Variants in PATJ observed in about 807,000 individuals in gnomAD.
PATJ encodes the protein inaD-like protein.
In PATJ, 190 loss-of-function variants were observed where a neutral mutation model predicts 224.9. That is an observed-to-expected ratio of 0.84 (90% CI 0.75 to 0.95). The LOEUF is 0.95. PATJ is among the 40% of genes least tolerant of loss of function. The pLI, the probability that PATJ is intolerant of heterozygous loss-of-function variation, is 0.00. For missense variants in PATJ, 2,121 were observed against 2,270.3 expected (o/e 0.93, Z 1.34); for synonymous variants, 769 against 820.3 (o/e 0.94, Z 1.07).
At chr1:62,005,172 G>T (rs1646015892) in intron 28 of PATJ, among the ~76,000 whole-genome samples, 1 of 149,834 alleles carries the variant, frequency 6.7e-6, no homozygotes, top group South Asian at 2.1e-4. Flanking sequence ...AGTTTCACCT[G>T]TCACCCAGGT....
intron 22 of PATJ, among the ~76,000 whole-genome samples, chr1:61,887,174 G>T (rs1669007947): frequency 6.6e-6 from 1 of 152,050 alleles, no homozygotes; most frequent in Admixed American, 6.6e-5. Context: ...CATAAAGGGG[G>T]TGATTAAATA....
intron 28 of PATJ, among the ~76,000 whole-genome samples, chr1:61,994,372 G>A (rs1366316139): frequency 6.6e-6 from 1 of 152,160 alleles, no homozygotes; most frequent in African/African-American, 2.4e-5. Flanking sequence ...ATACATTTCA[G>A]ATGATTTTGA....
chr1:61,794,125 C>CAGA (rs1650512429), intron 9 of PATJ, among the ~76,000 whole-genome samples: 1 of 152,042 alleles, frequency 6.6e-6, no homozygotes, highest in Non-Finnish European at 1.5e-5. Context: ...TGGTCTTGAA[C>CAGA]TCCTGACCTC....
intron 9 of PATJ, among the ~76,000 whole-genome samples, chr1:61,791,807 C>T (rs1419523881): frequency 6.6e-6 from 1 of 151,716 alleles, no homozygotes; most frequent in African/African-American, 2.4e-5. Context: ...TGTAAATGTT[C>T]CCAAAGTATG....
chr1:62,028,473 T>C (rs1648480185), intron 29 of PATJ, among the ~76,000 whole-genome samples: 1 of 152,222 alleles, frequency 6.6e-6, no homozygotes, highest in Non-Finnish European at 1.5e-5. Flanking sequence ...GGTGTTCTAG[T>C]TGAAAATCCC....
intron 27 of PATJ, among the ~76,000 whole-genome samples, chr1:61,978,040 CCCAGAAGTCA>C: frequency 6.6e-6 from 1 of 151,886 alleles, no homozygotes; most frequent in East Asian, 1.9e-4. Flanking sequence ...ATTACTAATA[CCCAGAAGTCA>C]CTTTGTGCCT....
intron 33 of PATJ, among the ~76,000 whole-genome samples, chr1:62,098,773 C>G (rs1171691125): frequency 1.3e-5 from 2 of 152,118 alleles, no homozygotes; most frequent in African/African-American, 4.8e-5. Flanking sequence ...AAATCACATT[C>G]TAGTTGAATA....
intron 17 of PATJ, among the ~76,000 whole-genome samples, chr1:61,835,739 A>C (rs914354484): frequency 2.0e-5 from 3 of 151,876 alleles, no homozygotes; most frequent in Non-Finnish European, 2.9e-5. Context: ...TGAATGAACA[A>C]ATTTAATGGG....
intron 5 of PATJ, among the ~76,000 whole-genome samples, chr1:61,770,091 T>C (rs1646515701): frequency 6.6e-6 from 1 of 152,234 alleles, no homozygotes; most frequent in African/African-American, 2.4e-5. Flanking sequence ...AATGGTAGTA[T>C]ATTATTATAA....
At chr1:62,089,146 T>C (rs1660404321) in intron 33 of PATJ, among the ~76,000 whole-genome samples, 1 of 152,186 alleles carries the variant, frequency 6.6e-6, no homozygotes, top group African/African-American at 2.4e-5. Flanking sequence ...ACGTCCAGCC[T>C]AGCTGAATGA....
At chr1:62,040,883 T>C (rs1651358767) in intron 30 of PATJ, among the ~76,000 whole-genome samples, 1 of 152,186 alleles carries the variant, frequency 6.6e-6, no homozygotes, top group South Asian at 2.1e-4. Flanking sequence ...TTAGTTGGAA[T>C]GGACCCTTGA....
At chr1:61,790,583 G>T (rs535040363) in intron 8 of PATJ, among the ~76,000 whole-genome samples, 2 of 141,648 alleles carry the variant, frequency 1.4e-5, no homozygotes, top group Non-Finnish European at 3.0e-5. Flanking sequence ...GTGTGATCTC[G>T]GCTCACTGCA....
chr1:61,974,405 CTTTTTT>C (rs149825131), intron 27 of PATJ, among the ~76,000 whole-genome samples: 2 of 64,240 alleles, frequency 3.1e-5, no homozygotes, highest in Non-Finnish European at 5.4e-5. Flanking sequence ...CTCTCTCTCT[CTTTTTT>C]TTTTTTTTTT....
At chr1:62,062,133 A>G (rs79979402) in intron 31 of PATJ, among the ~76,000 whole-genome samples, 2,219 of 152,226 alleles carry the variant, frequency 0.015, 25 homozygotes, top group Non-Finnish European at 0.024. Context: ...GTTGAATGAT[A>G]CTTCTATTTT....
intron 27 of PATJ, among the ~76,000 whole-genome samples, chr1:61,959,926 C>T (rs1047253710): frequency 2.6e-5 from 4 of 151,540 alleles, no homozygotes; most frequent in Admixed American, 1.3e-4. Context: ...GGGAGGCTGA[C>T]GCAGGAAGAT....
intron 20 of PATJ, among the ~76,000 whole-genome samples, chr1:61,871,559 T>A (rs76123373): frequency 0.1 from 1,363 of 13,030 alleles, 11 homozygotes; most frequent in East Asian, 0.14. Flanking sequence ...ATATATATAT[T>A]TTTTTTTTTT....
rs774237804 is a variant in PATJ at position 62,128,850 on chromosome 1, C to T, written c.5176C>T (p.Arg1726Trp). 27 of 1,608,144 alleles carry T rather than the reference C, an allele frequency of 1.7e-5. No individual in the cohort carries two copies. The highest frequency in any genetic ancestry group is 2.2e-5 in the East Asian group (1 of 44,790). The change falls in exon 41 of 44, where the codon CGG becomes TGG. Residue 1726 changes from arginine to tryptophan, a missense_variant. Transcript: ENST00000642238. ...ARTQKLKVGD[R>W]IVSINGQPLD... ...ATTTTTGTACTTCCAGGTTGGAGAT[C>T]GGATTGTCAGCATTAACGGGCAACC... is the stretch of plus-strand genomic sequence containing the variant.
At chr1:61,870,058 T>C (rs1020764124) in intron 20 of PATJ, among the ~76,000 whole-genome samples, 2 of 152,238 alleles carry the variant, frequency 1.3e-5, no homozygotes, top group Non-Finnish European at 2.9e-5. Flanking sequence ...GCCGCTGCCC[T>C]CTGCCAGCGA....
At position 62,140,115 on chromosome 1, in the gene PATJ, C is replaced by CA. The variant is rs1165237369; in HGVS notation, c.5272-8167dup. 2.0e-5 allele frequency among the ~76,000 whole-genome samples: 3 copies of CA among 152,224 alleles called. No individual in the cohort carries two copies. The East Asian group carries it at 5.8e-4, about 29-fold the overall frequency. On this transcript the variant is annotated intron_variant, in intron 41 of 43. Transcript: ENST00000642238. ...CTCTCCTTGTCTTCCTGCAAAAGAC[C>CA]AAGCTGTCAGTGAAAGTCCATCACG...
Sources: allele counts gnomAD v4.1 joint callset (sites outside exome capture counted in the v4.1 genomes callset), GRCh38; gene constraint gnomAD v4.1.1; transcripts MANE v1.5; gene names NCBI Gene and HGNC (gene_info 2026-07-23, HGNC 2026-07-21).